Variants in OSBPL6 observed in about 807,000 individuals in gnomAD.
The protein encoded by OSBPL6 is oxysterol-binding protein-related protein 6.
A neutral mutation model predicts 125.8 loss-of-function variants in OSBPL6; 49 were observed. The observed-to-expected ratio is 0.39, with a 90% CI of 0.31 to 0.49. The LOEUF is 0.49. Among genes scored for constraint, OSBPL6 ranks in the 20% least tolerant of loss-of-function variants. The pLI, the probability that OSBPL6 is intolerant of heterozygous loss-of-function variation, is 0.88. For missense variants in OSBPL6, 986 were observed against 1,135.4 expected (o/e 0.87, Z 1.89); for synonymous variants, 394 against 391.8 (o/e 1.01, Z -0.07).
At chr2:178,391,840 C>T (rs934876977) in intron 22 of OSBPL6, among the ~76,000 whole-genome samples, 1 of 152,180 alleles carries the variant, frequency 6.6e-6, no homozygotes, top group African/African-American at 2.4e-5. Flanking sequence ...TCCTAAGAGA[C>T]ATCAATGAGT....
intron 1 of OSBPL6, among the ~76,000 whole-genome samples, chr2:178,202,897 G>GATCAA (rs2089331576): frequency 6.6e-6 from 1 of 151,570 alleles, no homozygotes; most frequent in African/African-American, 2.4e-5. Flanking sequence ...GATGTACCTT[G>GATCAA]ATGTGGTTTT....
chr2:178,310,111 A>G (rs983481281), intron 3 of OSBPL6, among the ~76,000 whole-genome samples: 2 of 152,212 alleles, frequency 1.3e-5, no homozygotes, highest in African/African-American at 2.4e-5. Flanking sequence ...TCTTCCTTCT[A>G]TGAAAAAATT....
At chr2:178,229,979 G>A (rs2153979206) in intron 1 of OSBPL6, among the ~76,000 whole-genome samples, 1 of 152,316 alleles carries the variant, frequency 6.6e-6, no homozygotes, top group African/African-American at 2.4e-5. Flanking sequence ...ATCTAGAAAT[G>A]GACCAGCCCT....
chr2:178,262,666 CTCCCTCTTTAGGGATGTGGGA>C (rs2092100555), intron 1 of OSBPL6, among the ~76,000 whole-genome samples: 1 of 152,182 alleles, frequency 6.6e-6, no homozygotes, highest in Non-Finnish European at 1.5e-5. Context: ...GCTTAATAGT[CTCCCTCTTTAGGGATGTGGGA>C]TCCAGTGGAT....
chr2:178,394,965 T>C (rs1250100539), intron 24 of OSBPL6, among the ~76,000 whole-genome samples: 1 of 152,170 alleles, frequency 6.6e-6, no homozygotes, highest in African/African-American at 2.4e-5. Context: ...AAGCTCAGGG[T>C]AACCTTATCT....
intron 2 of OSBPL6, among the ~76,000 whole-genome samples, chr2:178,289,032 T>C (rs1394698482): frequency 1.3e-5 from 2 of 148,448 alleles, no homozygotes; most frequent in Non-Finnish European, 3.0e-5. Context: ...TTTTTTTTTT[T>C]TTTGAGACAG....
intron 1 of OSBPL6, among the ~76,000 whole-genome samples, chr2:178,205,320 G>T (rs186874226): frequency 1.3e-5 from 2 of 152,242 alleles, no homozygotes; most frequent in Admixed American, 1.3e-4. Context: ...AAGCTTCAGC[G>T]GCCTTCAGTT....
chr2:178,223,387 G>C (rs1187580731), intron 1 of OSBPL6, among the ~76,000 whole-genome samples: 1 of 152,152 alleles, frequency 6.6e-6, no homozygotes, highest in African/African-American at 2.4e-5. Context: ...ATGTATTAGA[G>C]ACATGGATTT....
At chr2:178,388,055 G>T (rs545317527) in intron 20 of OSBPL6, among the ~76,000 whole-genome samples, 3 of 152,036 alleles carry the variant, frequency 2.0e-5, no homozygotes, top group East Asian at 3.9e-4. Context: ...AGGTATATAT[G>T]GTGCCTACAT....
intron 1 of OSBPL6, among the ~76,000 whole-genome samples, chr2:178,283,918 G>A (rs903928836): frequency 6.6e-6 from 1 of 152,142 alleles, no homozygotes; most frequent in African/African-American, 2.4e-5. Flanking sequence ...ATGGTACCAA[G>A]CTATTCATGT....
At chr2:178,306,975 A>G (rs986239734) in intron 3 of OSBPL6, among the ~76,000 whole-genome samples, 2 of 152,232 alleles carry the variant, frequency 1.3e-5, no homozygotes, top group Non-Finnish European at 2.9e-5. Flanking sequence ...TATTTCAGCC[A>G]GCACAGGTCT....
At chr2:178,361,111 T>A (rs1366706401) in intron 12 of OSBPL6, among the ~76,000 whole-genome samples, 1 of 152,206 alleles carries the variant, frequency 6.6e-6, no homozygotes, top group Non-Finnish European at 1.5e-5. Flanking sequence ...AACAACAAGA[T>A]ATTCCTGTCT....
chr2:178,214,769 G>T (rs1008029147), intron 1 of OSBPL6, among the ~76,000 whole-genome samples: 69 of 152,032 alleles, frequency 4.5e-4, no homozygotes, highest in Admixed American at 2.1e-3. Context: ...AACATAGTGA[G>T]ACCCTGTCTC....
intron 1 of OSBPL6, among the ~76,000 whole-genome samples, chr2:178,217,457 C>T (rs1052552337): frequency 1.3e-5 from 2 of 152,094 alleles, no homozygotes; most frequent in South Asian, 2.1e-4. Context: ...TGTCATCGCA[C>T]GCCAGGAAAA....
At chr2:178,272,053 AC>A (rs2092384550) in intron 1 of OSBPL6, among the ~76,000 whole-genome samples, 1 of 152,240 alleles carries the variant, frequency 6.6e-6, no homozygotes, top group African/African-American at 2.4e-5. Flanking sequence ...CAGGTTTTGA[AC>A]TGAATAGCCA....
At chr2:178,320,284 C>G (rs1688125434) in intron 3 of OSBPL6, 28 of 1,611,740 alleles carry the variant, frequency 1.7e-5, no homozygotes, top group Non-Finnish European at 2.3e-5. Flanking sequence ...TCAATGAACA[C>G]TAACCTGAGG....
intron 1 of OSBPL6, among the ~76,000 whole-genome samples, chr2:178,260,099 C>A (rs1009497192): frequency 6.6e-6 from 1 of 152,144 alleles, no homozygotes; most frequent in African/African-American, 2.4e-5. Context: ...ACATTAAGGC[C>A]TCAGCTACCT....
rs777760470 is a variant in OSBPL6, at chr2:178,387,139, A to G, written c.2156A>G (p.Lys719Arg). Residue 719 changes from lysine to arginine, a missense_variant and splice_region_variant, in exon 20 of 25, where the codon AAG becomes AGG. This residue lies in a region of OSBPL6 where 843 missense variants were observed against 997.3 expected (regional missense o/e 0.85). Transcript: ENST00000190611. ...PVGTLNVMLPKYGDYYVWNKV... is the reference protein window; with the variant it reads ...PVGTLNVMLPRYGDYYVWNKV... ...GGAACACTGAATGTCATGCTTCCAAAGTAGGTGACTCACACCTCCCTTTTG... is the reference window on the plus strand; with the variant it reads ...GGAACACTGAATGTCATGCTTCCAAGGTAGGTGACTCACACCTCCCTTTTG... 1 of 1,605,364 alleles carries G rather than the reference A, an allele frequency of 6.2e-7. No homozygotes were observed. Among genetic ancestry groups the G allele is most frequent in the Admixed American group, 1.7e-5 (1 of 59,824 alleles).
Position 178,391,225 on chromosome 2 carries a change from T to A in OSBPL6, c.2446+8T>A. On this transcript the variant is annotated splice_region_variant and intron_variant, in intron 22 of 24. Coordinates refer to ENST00000190611, the MANE Select transcript of OSBPL6 (RefSeq NM_032523.4). Reference sequence around the variant, plus strand: ...AGTGCATTTGGAGACCAGGTGAGAGTGGCCTGAGTGTTCTGCCAACAGGAG... The same window carrying A: ...AGTGCATTTGGAGACCAGGTGAGAGAGGCCTGAGTGTTCTGCCAACAGGAG... The A allele has an allele frequency of 6.3e-7, 1 of 1,589,114 alleles. No homozygotes were observed. Among genetic ancestry groups the A allele is most frequent in the South Asian group, 1.2e-5 (1 of 86,806 alleles).
Sources: allele counts gnomAD v4.1 joint callset (sites outside exome capture counted in the v4.1 genomes callset), GRCh38; gene constraint gnomAD v4.1.1; regional missense constraint gnomAD v4.1.1; transcripts MANE v1.5; gene names NCBI Gene and HGNC (gene_info 2026-07-23, HGNC 2026-07-21).